Variants in PDE4D observed in about 807,000 individuals in gnomAD.
PDE4D encodes the protein 3',5'-cyclic-AMP phosphodiesterase 4D.
A neutral mutation model predicts 87.4 loss-of-function variants in PDE4D; 24 were observed. The ratio of observed to expected loss-of-function variants is 0.27; its 90% CI spans 0.20 to 0.39. The LOEUF is 0.39. Among genes scored for constraint, PDE4D ranks in the 10% least tolerant of loss-of-function variants. The probability of loss-of-function intolerance (pLI) is 1.00; values close to 1 mark genes in which losing one functional copy is unlikely to be tolerated. For synonymous variants in PDE4D, 384 were observed against 383.2 expected, an observed-to-expected ratio of 1.00 and a Z score of -0.02; for missense variants, 714 against 1,041.0, an observed-to-expected ratio of 0.69 and a Z score of 4.32.
At chr5:59,582,961 G>GCT in intron 1 of PDE4D, among the ~76,000 whole-genome samples, 1 of 152,174 alleles carries the variant, frequency 6.6e-6, no homozygotes, top group South Asian at 2.1e-4. Flanking sequence ...CCTCAGAGGG[G>GCT]CCCTCCATGG....
At chr5:59,428,348 G>A (rs1448940517) in intron 1 of PDE4D, among the ~76,000 whole-genome samples, 1 of 151,886 alleles carries the variant, frequency 6.6e-6, no homozygotes, top group African/African-American at 2.4e-5. Flanking sequence ...CGCAATCTCT[G>A]CTTCTTTGGG....
intron 1 of PDE4D, among the ~76,000 whole-genome samples, chr5:59,245,804 G>A (rs1758733615): frequency 6.6e-6 from 1 of 151,950 alleles, no homozygotes; most frequent in African/African-American, 2.4e-5. Flanking sequence ...GCTCTGTGAG[G>A]TTGAATCAGA....
At chr5:59,223,250 A>G (rs1427459858) in intron 1 of PDE4D, among the ~76,000 whole-genome samples, 1 of 152,158 alleles carries the variant, frequency 6.6e-6, no homozygotes, top group Non-Finnish European at 1.5e-5. Context: ...ATAATTTCCT[A>G]CCAGGAAGTG....
intron 5 of PDE4D, among the ~76,000 whole-genome samples, chr5:59,056,190 A>T (rs1762328846): frequency 6.6e-6 from 1 of 152,154 alleles, no homozygotes; most frequent in Admixed American, 6.5e-5. Context: ...GGTGGCTCAG[A>T]CACGGCAAGA....
intron 1 of PDE4D, among the ~76,000 whole-genome samples, chr5:59,446,954 A>T (rs1025772891): frequency 6.6e-5 from 10 of 152,196 alleles, no homozygotes; most frequent in Non-Finnish European, 4.4e-5. Flanking sequence ...AAAAATAGTT[A>T]TCGCTTTCAC....
chr5:60,485,224 G>A (rs563446899), intron 1 of PDE4D, among the ~76,000 whole-genome samples: 6 of 152,082 alleles, frequency 3.9e-5, no homozygotes, highest in Non-Finnish European at 8.8e-5. Context: ...TGTTTCATTC[G>A]TTTTGTTCTG....
At chr5:60,169,156 T>C (rs374291161) in intron 2 of PDE4D, among the ~76,000 whole-genome samples, 52 of 152,234 alleles carry the variant, frequency 3.4e-4, no homozygotes, top group African/African-American at 1.2e-3. Flanking sequence ...CCCTGAAGCA[T>C]CTAGGACATT....
intron 1 of PDE4D, among the ~76,000 whole-genome samples, chr5:59,269,094 C>A (rs776005177): frequency 6.6e-6 from 1 of 151,292 alleles, no homozygotes. Flanking sequence ...GCCTCAGATC[C>A]GTGGGGAAGA....
chr5:59,829,973 T>G (rs540724069), intron 1 of PDE4D, among the ~76,000 whole-genome samples: 2 of 149,008 alleles, frequency 1.3e-5, no homozygotes, highest in African/African-American at 5.2e-5. Context: ...TTCTTAAAAT[T>G]CTGAGGTAAG....
chr5:59,945,451 G>A (rs965787456), intron 3 of PDE4D, among the ~76,000 whole-genome samples: 1 of 152,264 alleles, frequency 6.6e-6, no homozygotes, highest in Middle Eastern at 3.4e-3. Context: ...TTTCCAAAAG[G>A]GCTGAGGTTA....
intron 1 of PDE4D, among the ~76,000 whole-genome samples, chr5:59,347,128 G>C (rs1779739685): frequency 6.6e-6 from 1 of 152,120 alleles, no homozygotes; most frequent in Admixed American, 6.6e-5. Flanking sequence ...ACACAAATCT[G>C]ATTCATTAAC....
intron 1 of PDE4D, among the ~76,000 whole-genome samples, chr5:59,492,436 G>T (rs942015643): frequency 4.6e-5 from 7 of 152,140 alleles, no homozygotes. Flanking sequence ...ACAGACCTAT[G>T]TTGTTCTTTT....
At chr5:60,059,353 A>G (rs968222955) in intron 2 of PDE4D, among the ~76,000 whole-genome samples, 5 of 151,984 alleles carry the variant, frequency 3.3e-5, no homozygotes, top group African/African-American at 4.8e-5. Flanking sequence ...TCTTGTGTGA[A>G]CTACCTAGAA....
At chr5:59,214,759 A>G (rs1750855323) in intron 2 of PDE4D, among the ~76,000 whole-genome samples, 1 of 152,216 alleles carries the variant, frequency 6.6e-6, no homozygotes, top group Non-Finnish European at 1.5e-5. Flanking sequence ...TCAATAATAC[A>G]ACTGCTAAAA....
At chr5:59,247,708 T>G (rs1420460251) in intron 1 of PDE4D, among the ~76,000 whole-genome samples, 1 of 152,084 alleles carries the variant, frequency 6.6e-6, no homozygotes, top group Non-Finnish European at 1.5e-5. Flanking sequence ...CCAGTGTTAT[T>G]AATCACTTGA....
At chr5:59,334,927 T>G (rs1434031605) in intron 1 of PDE4D, among the ~76,000 whole-genome samples, 1 of 152,138 alleles carries the variant, frequency 6.6e-6, no homozygotes, top group East Asian at 1.9e-4. Flanking sequence ...TTTTTCCTTT[T>G]CCTGAAACCC....
At chr5:59,859,067 C>T (rs991031824) in intron 1 of PDE4D, among the ~76,000 whole-genome samples, 2 of 152,234 alleles carry the variant, frequency 1.3e-5, no homozygotes, top group East Asian at 3.9e-4. Flanking sequence ...ACACTAAAAG[C>T]ATCTGTTTGT....
At chr5:59,118,396 C>T (rs1773960565) in intron 5 of PDE4D, among the ~76,000 whole-genome samples, 1 of 152,120 alleles carries the variant, frequency 6.6e-6, no homozygotes. Flanking sequence ...TTATTTTTTC[C>T]ACCTGCGTAT....
chr5:59,486,952 C>T (rs889719326), intron 1 of PDE4D, among the ~76,000 whole-genome samples: 1 of 152,104 alleles, frequency 6.6e-6, no homozygotes. Context: ...TTTAAGAATA[C>T]AATTTTATTT....
Sources: allele counts gnomAD v4.1 joint callset (sites outside exome capture counted in the v4.1 genomes callset), GRCh38; gene constraint gnomAD v4.1.1; transcripts MANE v1.5; gene names NCBI Gene and HGNC (gene_info 2026-07-23, HGNC 2026-07-21).